The following CSRP2 variants were observed in gnomAD, a reference collection of about 807,000 sequenced individuals.
The protein encoded by CSRP2 is cysteine and glycine rich protein 2.
In CSRP2, 18 loss-of-function variants were observed where a neutral mutation model predicts 24.6. That is an observed-to-expected ratio of 0.73 (90% CI 0.51 to 1.09). The LOEUF is 1.09. CSRP2 is among the 50% of genes least tolerant of loss of function. CSRP2 has a pLI of 0.00. For synonymous variants in CSRP2, 87 were observed against 84.3 expected (o/e 1.03, Z -0.18); for missense variants, 215 against 239.4 (o/e 0.90, Z 0.67).
intron 1 of CSRP2, among the ~76,000 whole-genome samples, chr12:76,871,734 C>A (rs576648391): frequency 4.7e-5 from 7 of 150,440 alleles, no homozygotes; most frequent in South Asian, 2.1e-4. Flanking sequence ...ACTGCAGTCC[C>A]GCCTGGGTGA....
rs1168892068 is a variant in CSRP2 at position 76,873,760 on chromosome 12, A to T, written c.-2+5178T>A. 2.0e-5 allele frequency among the ~76,000 whole-genome samples: 3 copies of T among 152,228 alleles called. No individual in the cohort carries two copies. In the East Asian group the frequency reaches 5.8e-4, roughly 29 times the overall value. On this transcript the variant is annotated intron_variant, in intron 1 of 5. Transcript: ENST00000311083. ...GTTCTAACCTTTGTTATCAATACTC[A>T]TCTTGCCCTACCATCTCACATATCT...
chr12:76,877,490 C>T (rs2137841465), intron 1 of CSRP2, among the ~76,000 whole-genome samples: 1 of 152,348 alleles, frequency 6.6e-6, no homozygotes, highest in African/African-American at 2.4e-5. Flanking sequence ...CCTATAATCA[C>T]AACCTTATTC....
chr12:76,872,892 G>A (rs563024328), intron 1 of CSRP2, among the ~76,000 whole-genome samples: 8 of 152,172 alleles, frequency 5.3e-5, no homozygotes, highest in African/African-American at 1.7e-4. Context: ...CTAAACCGGC[G>A]GCAGGATCAA....
chr12:76,867,332 TAAA>T (rs33997080), intron 1 of CSRP2, among the ~76,000 whole-genome samples: 96 of 100,158 alleles, frequency 9.6e-4, no homozygotes, highest in African/African-American at 1.7e-3. Context: ...CTGCTAAATT[TAAA>T]AAAAAAAAAA....
intron 2 of CSRP2, chr12:76,863,796 T>C (rs1412886982): frequency 1.3e-5 from 2 of 153,724 alleles, no homozygotes; most frequent in Non-Finnish European, 2.9e-5. Flanking sequence ...TTCAGCCTTC[T>C]CTTAACCAAG....
intron 1 of CSRP2, chr12:76,878,210 T>C (rs1953871373): frequency 6.6e-6 from 1 of 150,686 alleles, no homozygotes; most frequent in Non-Finnish European, 1.5e-5. Flanking sequence ...AGAATGTGAT[T>C]CGCAGGACCT....
chr12:76,867,993 GTAT>G (rs1448500991), intron 1 of CSRP2, among the ~76,000 whole-genome samples: 3 of 152,146 alleles, frequency 2.0e-5, no homozygotes, highest in Admixed American at 2.0e-4. Context: ...CCAGCACTCA[GTAT>G]TCTCTTGCCT....
chr12:76,862,790 A>G, intron 3 of CSRP2: 1 of 1,418,148 alleles, frequency 7.1e-7, no homozygotes, highest in Non-Finnish European at 9.2e-7. Context: ...GTGACTTAGG[A>G]ATTTTCATTG....
intron 1 of CSRP2, chr12:76,878,334 T>A (rs1003008867): frequency 6.6e-6 from 1 of 152,276 alleles, no homozygotes; most frequent in East Asian, 1.9e-4. Context: ...TCCTTCAACA[T>A]AGAGGGGTTC....
At chr12:76,864,115 T>C (rs1953711089) in intron 2 of CSRP2, 1 of 152,228 alleles carries the variant, frequency 6.6e-6, no homozygotes, top group Non-Finnish European at 1.5e-5. Context: ...CATTTCCACG[T>C]GTCCCACTTC....
intron 1 of CSRP2, among the ~76,000 whole-genome samples, chr12:76,870,894 G>A (rs963013606): frequency 2.0e-5 from 3 of 146,868 alleles, no homozygotes; most frequent in African/African-American, 5.0e-5. Context: ...GATTGCTTGT[G>A]CTGGGAATGT....
At position 76,862,799 on chromosome 12, in the gene CSRP2, T is replaced by A. The variant is rs1266467674; in HGVS notation, c.281+377A>T. On this transcript the variant is annotated intron_variant, in intron 3 of 5. Transcript: ENST00000311083. ...GAAGGAGTGACTTAGGAATTTTCAT[T>A]GGCTGCTTACATTGCACATGAGAAA... 35 of 1,438,018 alleles carry A rather than the reference T, an allele frequency of 2.4e-5. No individual in the cohort carries two copies. In the Admixed American group the frequency reaches 1.1e-3, roughly 44 times the overall value. The allele number at this position is 1,438,018 out of a possible 1,614,324, so 89.1% of individuals were successfully genotyped here. A position where few individuals can be genotyped will look rare whatever the true frequency, so the allele number is the denominator to read the frequency against.
chr12:76,872,690 C>T (rs576328971), intron 1 of CSRP2, among the ~76,000 whole-genome samples: 178 of 152,354 alleles, frequency 1.2e-3, no homozygotes, highest in African/African-American at 3.5e-3. Flanking sequence ...AATCAGACAT[C>T]GCCTCCTCCA....
intron 5 of CSRP2, 83 bp downstream of exon 5, chr12:76,859,464 T>C: frequency 1.1e-6 from 1 of 915,672 alleles, no homozygotes. Flanking sequence ...TTCTTTTTTT[T>C]TTTTTAATGC....
At chr12:76,874,542 TTTTCCTTTAGGAGCACTCGGGGCCTGAA>T (rs67039486) in intron 1 of CSRP2, among the ~76,000 whole-genome samples, 3,131 of 152,308 alleles carry the variant, frequency 0.021, 47 homozygotes, top group Non-Finnish European at 0.03. Context: ...GCGGGCTTCC[TTTTCCTTTAGGAGCACTCGGGGCCTGAA>T]TATACCAAGT....
intron 3 of CSRP2, 127 bp downstream of exon 3, chr12:76,863,049 A>G (rs1953699687): frequency 1.4e-6 from 2 of 1,448,728 alleles, no homozygotes; most frequent in Admixed American, 2.6e-5. Context: ...TGACATTAGA[A>G]AATCAGAGTC....
At chr12:76,865,478 T>C (rs1293857929) in intron 2 of CSRP2, among the ~76,000 whole-genome samples, 1 of 152,208 alleles carries the variant, frequency 6.6e-6, no homozygotes, top group Non-Finnish European at 1.5e-5. Context: ...GAATGCTGGC[T>C]CCAATGAGGG....
intron 1 of CSRP2, among the ~76,000 whole-genome samples, chr12:76,874,948 CA>C (rs35283955): frequency 6.6e-6 from 1 of 152,068 alleles, no homozygotes; most frequent in African/African-American, 2.4e-5. Flanking sequence ...TCCCTGGTGC[CA>C]AAAAGGATGG....
intron 1 of CSRP2, among the ~76,000 whole-genome samples, chr12:76,867,946 A>T (rs150841588): frequency 1.8e-3 from 281 of 152,300 alleles, no homozygotes; most frequent in African/African-American, 6.1e-3. Context: ...CTCCAAAAGA[A>T]AGATTAATGG....
Sources: gnomAD v4.1 joint callset for allele counts (sites outside exome capture counted in the v4.1 genomes callset) on GRCh38, gnomAD v4.1.1 for gene constraint, MANE v1.5 for transcripts, NCBI Gene and HGNC (gene_info 2026-07-23, HGNC 2026-07-21) for gene names.